PLA2G4A: variants seen among roughly 807,000 people sequenced by gnomAD.
PLA2G4A encodes the protein cytosolic phospholipase A2.
Under a neutral mutation model 81.9 loss-of-function variants are expected in PLA2G4A, and 40 were observed. That is an observed-to-expected ratio of 0.49 (90% CI 0.38 to 0.64). PLA2G4A has a LOEUF of 0.64. Ranked by LOEUF, PLA2G4A falls within the 30% of genes least tolerant of loss-of-function variation. The pLI, the probability that PLA2G4A is intolerant of heterozygous loss-of-function variation, is 0.00. For synonymous variants in PLA2G4A, 302 were observed against 296.9 expected, an observed-to-expected ratio of 1.02 and a Z score of -0.18; for missense variants, 715 against 905.1, an observed-to-expected ratio of 0.79 and a Z score of 2.69.
chr1:186,848,689 C>A (rs913548875), intron 1 of PLA2G4A, among the ~76,000 whole-genome samples: 1 of 151,882 alleles, frequency 6.6e-6, no homozygotes, highest in Non-Finnish European at 1.5e-5. Flanking sequence ...TGTTTACTCT[C>A]TAGTTATCTT....
In PLA2G4A at chr1:186,939,245, A is replaced by ATATATATAT. The variant is rs1181487987; in HGVS notation, c.918+15_918+16insTATATATAT. On this transcript the variant is annotated intron_variant, in intron 9 of 17. Transcript: ENST00000367466. ...TAATTCATAATGTAAGTTACAGTTC[A>ATATATATAT]ATCTACACTGCTTTTATAACAAGTA... The ATATATATAT allele has an allele frequency of 9.0e-7, 1 of 1,114,148 alleles. No homozygotes were observed. The highest frequency in any genetic ancestry group is 1.5e-5 in the African/African-American group (1 of 65,790). 69.0% of individuals were successfully genotyped at this position (1,114,148 alleles called of 1,614,324 possible).
rs771192672 is a variant in PLA2G4A at position 186,988,386 on chromosome 1, G to A, written c.2128G>A (p.Glu710Lys). ...CTGTCTCTATTTGCAGGTGATAAAA[G>A]AAGCCATGGTTGAAAGCATTGAATA... Reference protein sequence around the residue: ...NTLNNIDVIKEAMVESIEYRR... With the variant: ...NTLNNIDVIKKAMVESIEYRR... The change falls in exon 18 of 18, where the codon GAA becomes AAA. Residue 710 changes from glutamate to lysine, a missense_variant. Glu to Lys is a moderately conservative substitution (Grantham distance 56). Transcript: ENST00000367466. The A allele has an allele frequency of 1.9e-4, 306 of 1,611,618 alleles. No homozygotes were observed. Among genetic ancestry groups the A allele is most frequent in the Admixed American group, 8.8e-4 (53 of 60,012 alleles).
intron 6 of PLA2G4A, among the ~76,000 whole-genome samples, chr1:186,909,321 A>G (rs1654856684): frequency 6.7e-6 from 1 of 149,562 alleles, no homozygotes; most frequent in Admixed American, 6.7e-5. Context: ...ATATGTCATT[A>G]TAAAGAATAG....
intron 17 of PLA2G4A, among the ~76,000 whole-genome samples, chr1:186,984,807 T>C (rs1657840056): frequency 6.6e-6 from 1 of 152,174 alleles, no homozygotes; most frequent in Non-Finnish European, 1.5e-5. Flanking sequence ...TTTTAGAAAC[T>C]AGGGGTACAG....
At chr1:186,910,523 G>T (rs1654901994) in intron 6 of PLA2G4A, among the ~76,000 whole-genome samples, 1 of 151,972 alleles carries the variant, frequency 6.6e-6, no homozygotes, top group Non-Finnish European at 1.5e-5. Context: ...AATTTATAAA[G>T]CTGCAATATA....
intron 2 of PLA2G4A, among the ~76,000 whole-genome samples, chr1:186,860,448 G>A (rs1013268757): frequency 6.6e-6 from 1 of 152,078 alleles, no homozygotes; most frequent in African/African-American, 2.4e-5. Context: ...GAGAATAAAT[G>A]GGGGTGAATT....
chr1:186,953,187 C>T (rs899057714), intron 13 of PLA2G4A, among the ~76,000 whole-genome samples: 5 of 152,286 alleles, frequency 3.3e-5, no homozygotes, highest in African/African-American at 9.6e-5. Flanking sequence ...CACTACCAGC[C>T]ATGAATGAGA....
chr1:186,937,159 C>T (rs1655979012), intron 8 of PLA2G4A, among the ~76,000 whole-genome samples: 2 of 151,500 alleles, frequency 1.3e-5, no homozygotes, highest in South Asian at 2.1e-4. Context: ...CAAGCAGAGA[C>T]CATTAATCCA....
chr1:186,945,274 G>A (rs371266801), intron 10 of PLA2G4A, among the ~76,000 whole-genome samples: 1 of 152,150 alleles, frequency 6.6e-6, no homozygotes. Flanking sequence ...AGTGAAGTGG[G>A]ATACGCAAGA....
At chr1:186,938,674 T>A (rs1162263357) in intron 8 of PLA2G4A, among the ~76,000 whole-genome samples, 2 of 152,164 alleles carry the variant, frequency 1.3e-5, no homozygotes, top group East Asian at 1.9e-4. Flanking sequence ...GACTCAGATG[T>A]GCTCTGTCAT....
chr1:186,939,658 T>C (rs1334411992), intron 9 of PLA2G4A, among the ~76,000 whole-genome samples: 1 of 152,160 alleles, frequency 6.6e-6, no homozygotes, highest in Non-Finnish European at 1.5e-5. Flanking sequence ...GCATTGATGT[T>C]TCGTTGAAGA....
In PLA2G4A at chr1:186,843,790, T is replaced by C. The variant is rs376086718; in HGVS notation, c.-69-10496T>C. The stretch of plus-strand genomic sequence containing the variant: ...TAGAGGAAATGTTTCCACTTCCTCT[T>C]ACTATAGATCTAAGCTCTTTCACGT... On this transcript the variant is annotated intron_variant, in intron 1 of 17. Coordinates refer to ENST00000367466, the MANE Select transcript of PLA2G4A (RefSeq NM_024420.3). Among the ~76,000 whole-genome samples, 5 of 152,338 alleles carry C rather than the reference T, an allele frequency of 3.3e-5. No homozygotes were observed. In the South Asian group the frequency reaches 1.0e-3, roughly 32 times the overall value.
chr1:186,830,036 T>G (rs1426011821), intron 1 of PLA2G4A, among the ~76,000 whole-genome samples: 1 of 152,234 alleles, frequency 6.6e-6, no homozygotes. Context: ...AAGGGATATT[T>G]GTAGAGGACT....
rs73053013 is a variant in PLA2G4A, at chr1:186,959,622, C to A, written c.1579+3278C>A. Among the ~76,000 whole-genome samples the A allele has an allele frequency of 5.7e-3, 869 of 152,196 alleles. 7 individuals carry two copies. Among genetic ancestry groups the A allele is most frequent in the African/African-American group, 0.02 (836 of 41,538 alleles). On this transcript the variant is annotated intron_variant, in intron 14 of 17. Coordinates refer to ENST00000367466, the MANE Select transcript of PLA2G4A (RefSeq NM_024420.3). ...AGGCCAACATTGCTAAAAATAATTT[C>A]ATTTTAGACTGAATTTACTGAATGA...
In PLA2G4A at chr1:186,945,416, G is replaced by A. The variant is rs187781301; in HGVS notation, c.1034-1221G>A. Among the ~76,000 whole-genome samples the A allele has an allele frequency of 3.1e-3, 465 of 152,236 alleles. 1 individual carries two copies. Among genetic ancestry groups the A allele is most frequent in the African/African-American group, 0.011 (450 of 41,562 alleles). On this transcript the variant is annotated intron_variant, in intron 10 of 17. Coordinates refer to ENST00000367466, the MANE Select transcript of PLA2G4A (RefSeq NM_024420.3). ...TGGGAAGCTTTCAGATGACACTGGT[G>A]TGCTGTGATTTATATTTTTAAAGAT...
At chr1:186,883,470 G>A (rs748901931) in intron 3 of PLA2G4A, among the ~76,000 whole-genome samples, 15 of 152,088 alleles carry the variant, frequency 9.9e-5, no homozygotes, top group Non-Finnish European at 2.1e-4. Context: ...GATATGAGGG[G>A]TGCATATTGA....
intron 7 of PLA2G4A, among the ~76,000 whole-genome samples, chr1:186,917,249 C>T (rs986220287): frequency 6.6e-6 from 1 of 152,142 alleles, no homozygotes; most frequent in Non-Finnish European, 1.5e-5. Context: ...CTCATTTACC[C>T]AAGTTGAGAT....
intron 5 of PLA2G4A, among the ~76,000 whole-genome samples, chr1:186,902,600 G>A (rs1161195955): frequency 6.6e-6 from 1 of 152,064 alleles, no homozygotes; most frequent in Non-Finnish European, 1.5e-5. Flanking sequence ...GGCAACTGAA[G>A]AACGACAAAA....
chr1:186,930,479 T>A (rs1182949458), intron 7 of PLA2G4A, among the ~76,000 whole-genome samples: 1 of 152,202 alleles, frequency 6.6e-6, no homozygotes, highest in Non-Finnish European at 1.5e-5. Context: ...GAAGTTGTTT[T>A]TTCAGGATTA....
Sources: allele counts gnomAD v4.1 joint callset (sites outside exome capture counted in the v4.1 genomes callset), GRCh38; gene constraint gnomAD v4.1.1; transcripts MANE v1.5; gene names NCBI Gene and HGNC (gene_info 2026-07-23, HGNC 2026-07-21).